Variants in TANC1 observed in about 807,000 individuals in gnomAD.
TANC1 encodes tetratricopeptide repeat, ankyrin repeat and coiled-coil containing 1, also known as protein TANC1.
In TANC1, 77 loss-of-function variants were observed where a neutral mutation model predicts 149.7. That is an observed-to-expected ratio of 0.51 (90% CI 0.43 to 0.62). The LOEUF is 0.62. Among genes scored for constraint, TANC1 ranks in the 20% least tolerant of loss-of-function variants. The pLI, the probability that TANC1 is intolerant of heterozygous loss-of-function variation, is 0.00. For missense variants in TANC1, 1,985 were observed against 2,321.8 expected (o/e 0.85, Z 2.98); for synonymous variants, 854 against 925.0 (o/e 0.92, Z 1.39).
chr2:158,983,963 A>G (rs1455011773), intron 1 of TANC1, among the ~76,000 whole-genome samples: 1 of 152,240 alleles, frequency 6.6e-6, no homozygotes, highest in Non-Finnish European at 1.5e-5. Flanking sequence ...GGGTAAACCA[A>G]AAAGTGTTGT....
intron 1 of TANC1, among the ~76,000 whole-genome samples, chr2:158,969,646 G>A (rs1300777079): frequency 6.6e-6 from 1 of 152,244 alleles, no homozygotes; most frequent in Non-Finnish European, 1.5e-5. Context: ...ACGCCTGGCT[G>A]GGAAGGAAGC....
rs777340260 is a variant in TANC1, at chr2:159,229,913, A to G, written c.4487A>G (p.Gln1496Arg). 12 of 1,613,986 alleles carry G rather than the reference A, an allele frequency of 7.4e-6. No individual in the cohort carries two copies. The Admixed American group carries it at 1.8e-4, about 25-fold the overall frequency. Residue 1496 changes from glutamine (Q) to arginine (R), a missense_variant, in exon 27 of 27, where the codon CAG becomes CGG. By Grantham distance (43) the Gln-to-Arg change is conservative. This residue lies in a region of TANC1 where 920 missense variants were observed against 994.7 expected (regional missense o/e 0.92). Transcript: ENST00000263635. ...ATCCGAAACCTTCAAGAAGGGTTACAGTCCAAAGGAAGGCCGGTATCGCCA... is the reference window on the plus strand; with the variant it reads ...ATCCGAAACCTTCAAGAAGGGTTACGGTCCAAAGGAAGGCCGGTATCGCCA... Reference protein sequence around the residue: ...SYIRNLQEGLQSKGRPVSPQS... With the variant: ...SYIRNLQEGLRSKGRPVSPQS...
At chr2:159,073,155 TATCTC>T (rs1375276544) in intron 3 of TANC1, among the ~76,000 whole-genome samples, 1 of 152,246 alleles carries the variant, frequency 6.6e-6, no homozygotes, top group Non-Finnish European at 1.5e-5. Context: ...TATAAAATGT[TATCTC>T]AACACATCCT....
At chr2:159,015,191 A>G (rs1392376533) in intron 2 of TANC1, among the ~76,000 whole-genome samples, 1 of 152,242 alleles carries the variant, frequency 6.6e-6, no homozygotes, top group Admixed American at 6.5e-5. Flanking sequence ...ATCTAGGCAG[A>G]GATTCTCAAA....
chr2:159,182,487 T>C (rs997595626), intron 14 of TANC1, among the ~76,000 whole-genome samples: 1 of 152,208 alleles, frequency 6.6e-6, no homozygotes, highest in Non-Finnish European at 1.5e-5. Context: ...ATCCAAAAAG[T>C]CCATAAAATG....
intron 7 of TANC1, among the ~76,000 whole-genome samples, chr2:159,157,048 C>T (rs548915549): frequency 6.6e-6 from 1 of 152,250 alleles, no homozygotes; most frequent in Non-Finnish European, 1.5e-5. Flanking sequence ...AGAGATCTGG[C>T]TGTCACAAGC....
chr2:159,230,477 C>T lies in TANC1; in HGVS notation c.5051C>T (p.Ser1684Leu), dbSNP rs749207203. The T allele has an allele frequency of 3.2e-5, 51 of 1,614,052 alleles. No homozygotes were observed. The highest frequency in any genetic ancestry group is 4.2e-5 in the Non-Finnish European group (50 of 1,180,050). Reference sequence around the variant, plus strand: ...TCAAGTTCAACCAGTAGTTTGACTTCGAGCAGCAGTTTTTCAGATGGCTTC... The same window carrying T: ...TCAAGTTCAACCAGTAGTTTGACTTTGAGCAGCAGTTTTTCAGATGGCTTC... ...KMSSSTSSLTSSSSFSDGFKV... is the reference protein window; with the variant it reads ...KMSSSTSSLTLSSSFSDGFKV... The change falls in exon 27 of 27, where the codon TCG becomes TTG. Residue 1684 changes from serine to leucine, a missense_variant. Around this residue, in one of 3 missense-constraint regions of TANC1, gnomAD observed 920 missense variants for 994.7 expected, o/e 0.92. Transcript: ENST00000263635. The surrounding 1 kb of genome is among the most constrained non-coding windows in gnomAD (Gnocchi z 4.4).
intron 3 of TANC1, among the ~76,000 whole-genome samples, chr2:159,067,047 C>A (rs2042731413): frequency 6.6e-6 from 1 of 152,104 alleles, no homozygotes; most frequent in African/African-American, 2.4e-5. Context: ...TTCTGAGTTA[C>A]TATGTCAAAT....
chr2:159,128,688 T>G (rs905926923), intron 4 of TANC1, among the ~76,000 whole-genome samples: 3 of 152,156 alleles, frequency 2.0e-5, no homozygotes, highest in Non-Finnish European at 4.4e-5. Context: ...AAAGACTCCC[T>G]TTATCCCACA....
intron 2 of TANC1, among the ~76,000 whole-genome samples, chr2:159,022,316 G>C (rs184793934): frequency 1.5e-3 from 234 of 152,320 alleles, no homozygotes; most frequent in African/African-American, 5.2e-3. Context: ...ATACATGTAT[G>C]GGGTACACAC....
At chr2:159,085,851 A>T (rs531976035) in intron 3 of TANC1, among the ~76,000 whole-genome samples, 1 of 152,320 alleles carries the variant, frequency 6.6e-6, no homozygotes, top group South Asian at 2.1e-4. Flanking sequence ...GAAATTTCAA[A>T]GGGGCAGATG....
chr2:159,008,859 T>C (rs990464282), intron 2 of TANC1, among the ~76,000 whole-genome samples: 3 of 152,138 alleles, frequency 2.0e-5, no homozygotes, highest in African/African-American at 7.2e-5. Flanking sequence ...GAGAGTCCTG[T>C]AGTAGGACTC....
intron 2 of TANC1, among the ~76,000 whole-genome samples, chr2:159,003,050 G>A (rs1381964187): frequency 6.6e-6 from 1 of 152,158 alleles, no homozygotes; most frequent in African/African-American, 2.4e-5. Context: ...AGAGTGCTGC[G>A]GGATGCTATC....
chr2:159,083,668 T>C (rs1351981911), intron 3 of TANC1, among the ~76,000 whole-genome samples: 2 of 152,218 alleles, frequency 1.3e-5, no homozygotes, highest in Non-Finnish European at 2.9e-5. Context: ...TACATGCCAA[T>C]TTATAGAATT....
chr2:159,173,455 A>T (rs2055487225), intron 11 of TANC1, among the ~76,000 whole-genome samples: 1 of 152,110 alleles, frequency 6.6e-6, no homozygotes, highest in Non-Finnish European at 1.5e-5. Context: ...AAATACAAAA[A>T]TTAGCCAGGC....
intron 19 of TANC1, among the ~76,000 whole-genome samples, chr2:159,216,950 G>T (rs1198933647): frequency 6.6e-6 from 1 of 152,170 alleles, no homozygotes; most frequent in Non-Finnish European, 1.5e-5. Flanking sequence ...TGTTTGCATT[G>T]CACTGTATTC....
chr2:159,042,838 G>A (rs2040760436), intron 2 of TANC1, among the ~76,000 whole-genome samples: 1 of 152,130 alleles, frequency 6.6e-6, no homozygotes, highest in Non-Finnish European at 1.5e-5. Context: ...TGAGGGGTGA[G>A]GCAGGAGATA....
chr2:159,147,049 A>G (rs905510172), intron 5 of TANC1, among the ~76,000 whole-genome samples: 3 of 152,190 alleles, frequency 2.0e-5, no homozygotes, highest in Non-Finnish European at 2.9e-5. Context: ...TAGGACCTAC[A>G]TAGGATCAGG....
chr2:159,039,004 A>G (rs1185808470), intron 2 of TANC1, among the ~76,000 whole-genome samples: 1 of 152,170 alleles, frequency 6.6e-6, no homozygotes, highest in Non-Finnish European at 1.5e-5. Flanking sequence ...TTGGTAGGCT[A>G]TTAATTATTG....
Sources: allele counts gnomAD v4.1 joint callset (sites outside exome capture counted in the v4.1 genomes callset), GRCh38; gene constraint gnomAD v4.1.1; regional missense constraint gnomAD v4.1.1; non-coding constraint Gnocchi (gnomAD v3.1); transcripts MANE v1.5; gene names NCBI Gene and HGNC (gene_info 2026-07-23, HGNC 2026-07-21).